Variants in NCAPH2 observed in about 807,000 individuals in gnomAD.
NCAPH2 encodes the protein non-SMC condensin II complex subunit H2.
NCAPH2 carries 56 observed loss-of-function variants against 88.6 expected under a neutral mutation model. The ratio of observed to expected loss-of-function variants is 0.63; its 90% CI spans 0.51 to 0.79. NCAPH2 has a LOEUF of 0.79. Ranked by LOEUF, NCAPH2 falls within the 30% of genes least tolerant of loss-of-function variation. The pLI is 0.00. For synonymous variants in NCAPH2, 378 were observed against 313.6 expected, an observed-to-expected ratio of 1.21 and a Z score of -2.17; for missense variants, 794 against 792.0, an observed-to-expected ratio of 1.00 and a Z score of -0.03.
rs769680493 is a variant in NCAPH2 at position 50,524,066 on chromosome 22, T to C, written c.*691T>C. 1.9e-6 allele frequency: 3 copies of C among 1,613,256 alleles called. No homozygotes were observed. Among genetic ancestry groups the C allele is most frequent in the Non-Finnish European group, 2.5e-6 (3 of 1,179,998 alleles). On this transcript the variant is annotated 3_prime_UTR_variant, in exon 20 of 20. Transcript: ENST00000420993. ...ACCCACTGGCCCCGGAAGTCAGCCT[T>C]GCAGCGAGCCCGGCCTCTGTGATCC...
At chr22:50,515,768 A>G (rs745359420) in intron 1 of NCAPH2, 4 of 1,296,968 alleles carry the variant, frequency 3.1e-6, no homozygotes, top group South Asian at 2.5e-5. Context: ...GTTGGGGAAG[A>G]TGTTGGGTAA....
At chr22:50,511,720 A>G (rs1001870996) in intron 1 of NCAPH2, among the ~76,000 whole-genome samples, 3 of 143,318 alleles carry the variant, frequency 2.1e-5, no homozygotes, top group African/African-American at 8.1e-5. Flanking sequence ...ATCTCGGCTC[A>G]CTGCAAGCTC....
chr22:50,511,247 C>G (rs968125018), intron 1 of NCAPH2, among the ~76,000 whole-genome samples: 7 of 150,686 alleles, frequency 4.6e-5, no homozygotes, highest in African/African-American at 1.2e-4. Context: ...GCTGCAGCCT[C>G]CACCTTCTGG....
At position 50,523,880 on chromosome 22, in the gene NCAPH2, C is replaced by T. The variant is rs1343365920; in HGVS notation, c.*505C>T. 1 of 1,613,804 alleles carries T rather than the reference C, an allele frequency of 6.2e-7. No homozygotes were observed. The highest frequency in any genetic ancestry group is 1.3e-5 in the African/African-American group (1 of 74,934). On this transcript the variant is annotated 3_prime_UTR_variant, in exon 20 of 20. Transcript: ENST00000420993. Reference sequence around the variant, plus strand: ...GGGTGGAAGTCCTGGACGTAGCGGGCCATGGCTTCAACGTCGTCCCGCTCG... The same window carrying T: ...GGGTGGAAGTCCTGGACGTAGCGGGTCATGGCTTCAACGTCGTCCCGCTCG...
In NCAPH2 at chr22:50,523,146, A is replaced by G. The variant is rs148303480; in HGVS notation, c.1657A>G (p.Met553Val). 2 of 1,613,652 alleles carry G rather than the reference A, an allele frequency of 1.2e-6. No homozygotes were observed. The highest frequency in any genetic ancestry group is 1.7e-6 in the Non-Finnish European group (2 of 1,179,918). The part of the protein sequence containing the change: ...GQPAFEVCRS[M>V]LASLQLANDY... ...GCCGGCCTTCGAGGTGTGTCGTTCC[A>G]TGCTGGCCTCCCTGCAGCTGGTGAG... is the stretch of plus-strand genomic sequence containing the variant. Residue 553 changes from methionine (M) to valine (V), a missense_variant, in exon 19 of 20, where the codon ATG becomes GTG. Physicochemically the swap from Met to Val is conservative, Grantham distance 21. Coordinates refer to ENST00000420993, the MANE Select transcript of NCAPH2 (RefSeq NM_152299.4).
rs183921414 is a variant in NCAPH2 at position 50,508,916 on chromosome 22, C to T, written c.108+471C>T. ...CCATGTTTGACAGCCCTGTCTAGACCTGTGTTAAGCTGTCTGCTCCATATT... is the reference window on the plus strand; with the variant it reads ...CCATGTTTGACAGCCCTGTCTAGACTTGTGTTAAGCTGTCTGCTCCATATT... On this transcript the variant is annotated intron_variant, in intron 1 of 19. Coordinates refer to ENST00000420993, the MANE Select transcript of NCAPH2 (RefSeq NM_152299.4). Among the ~76,000 whole-genome samples, 309 of 152,310 alleles carry T rather than the reference C, an allele frequency of 2.0e-3. 2 individuals are homozygous for T. Among genetic ancestry groups the T allele is most frequent in the Non-Finnish European group, 9.7e-4 (66 of 68,030 alleles).
rs1211752201 is a variant in NCAPH2 at position 50,523,965 on chromosome 22, C to T, written c.*590C>T. ...GCAAACCAGGCTCTGCTTCCAGCTG[C>T]CGCACCACCTGCACCAGCTTCTCCA... On this transcript the variant is annotated 3_prime_UTR_variant, in exon 20 of 20. Transcript: ENST00000420993. 2 of 1,612,442 alleles carry T rather than the reference C, an allele frequency of 1.2e-6. No individual in the cohort carries two copies. Among genetic ancestry groups the T allele is most frequent in the Non-Finnish European group, 8.5e-7 (1 of 1,178,944 alleles).
chr22:50,518,003 G>A lies in NCAPH2; in HGVS notation c.451G>A (p.Ala151Thr). 1.9e-6 allele frequency: 3 copies of A among 1,613,984 alleles called. No homozygotes were observed. The highest frequency in any genetic ancestry group is 1.3e-5 in the African/African-American group (1 of 75,038). Reference protein sequence around the residue: ...EVLIIPLLPMALVAPDEMEKN... With the variant: ...EVLIIPLLPMTLVAPDEMEKN... ...CCTCATCATCCCCCTCCTGCCCATG[G>A]CCCTGGTGGCCCCTGATGAAATGGA... is the stretch of plus-strand genomic sequence containing the variant. Residue 151 changes from alanine (A) to threonine (T), a missense_variant, in exon 6 of 20, where the codon GCC becomes ACC. Physicochemically the swap from Ala to Thr is moderately conservative, Grantham distance 58 (BLOSUM62 0). Transcript: ENST00000420993.
Position 50,523,424 on chromosome 22 carries a change from G to A in NCAPH2, c.*49G>A. The A allele has an allele frequency of 6.6e-7, 1 of 1,525,558 alleles. No individual in the cohort carries two copies. The highest frequency in any genetic ancestry group is 2.0e-5 in the Admixed American group (1 of 49,868). The allele number at this position is 1,525,558 out of a possible 1,614,324, so 94.5% of individuals were successfully genotyped here. ...GGGGGAATGTGTACTGAGGAGCCGT[G>A]TGTCTGCTCCTGGCTGGCCCGGCCT... On this transcript the variant is annotated 3_prime_UTR_variant, in exon 20 of 20. Coordinates refer to ENST00000420993, the MANE Select transcript of NCAPH2 (RefSeq NM_152299.4).
chr22:50,513,620 G>C (rs2068843737), intron 1 of NCAPH2, among the ~76,000 whole-genome samples: 1 of 152,254 alleles, frequency 6.6e-6, no homozygotes, highest in Non-Finnish European at 1.5e-5. Flanking sequence ...AAATTAGCCA[G>C]GTATGGTGGT....
In NCAPH2 at chr22:50,524,599, A is replaced by C; in HGVS notation, c.*1224A>C. 2.8e-6 allele frequency: 2 copies of C among 712,554 alleles called. No homozygotes were observed. Among genetic ancestry groups the C allele is most frequent in the East Asian group, 2.7e-5 (1 of 36,472 alleles). The allele number at this position is 712,554 out of a possible 1,614,324, so 44.1% of individuals were successfully genotyped here. On this transcript the variant is annotated 3_prime_UTR_variant, in exon 20 of 20. Coordinates refer to ENST00000420993, the MANE Select transcript of NCAPH2 (RefSeq NM_152299.4). Reference sequence around the variant, plus strand: ...AACTCCACCTCCACCAAACATCCACACCTGGGCAACCACACCTGTCACTCC... The same window carrying C: ...AACTCCACCTCCACCAAACATCCACCCCTGGGCAACCACACCTGTCACTCC...
Position 50,519,339 on chromosome 22 carries a change from C to T in NCAPH2, c.861+19C>T. On this transcript the variant is annotated intron_variant, in intron 9 of 19. Transcript: ENST00000420993. ...GCAGCAGGTGGGACCCACATGGAGG[C>T]CTGCAGAACCTGAGCTGTGAACTGG... The T allele has an allele frequency of 6.2e-7, 1 of 1,609,328 alleles. No individual in the cohort carries two copies. The highest frequency in any genetic ancestry group is 8.5e-7 in the Non-Finnish European group (1 of 1,178,482).
intron 4 of NCAPH2, 29 bp downstream of exon 4, chr22:50,517,690 C>T (rs770426757): frequency 1.9e-6 from 3 of 1,614,118 alleles, no homozygotes; most frequent in African/African-American, 1.3e-5. Context: ...TGGTCCCCGC[C>T]CACTGTGTGT....
chr22:50,519,398 AAGG>A lies in NCAPH2; in HGVS notation c.861+83_861+85del, dbSNP rs777485329. 30 of 1,581,922 alleles carry A rather than the reference AAGG, an allele frequency of 1.9e-5. 1 individual carries two copies. In the South Asian group the frequency reaches 3.0e-4, roughly 16 times the overall value. ...GCTCTGGGGCCGAGTCACCTTGCAC[AAGG>A]AGGACAGTGGTATGGCCTTGGCCCC... On this transcript the variant is annotated intron_variant, in intron 9 of 19. Transcript: ENST00000420993.
In NCAPH2 at chr22:50,522,165, A is replaced by G. The variant is rs760618849; in HGVS notation, c.1163-16A>G. On this transcript the variant is annotated splice_polypyrimidine_tract_variant and intron_variant, in intron 13 of 19. Transcript: ENST00000420993. ...TGGGAAGGACGAGGGAGCCCTCACA[A>G]GGCCTTTGTCTGCAGACATGGAGGT... 76 of 1,612,410 alleles carry G rather than the reference A, an allele frequency of 4.7e-5. 2 individuals carry two copies. In the South Asian group the frequency reaches 8.0e-4, roughly 17 times the overall value.
chr22:50,511,446 C>T (rs1429690541), intron 1 of NCAPH2, among the ~76,000 whole-genome samples: 4 of 144,214 alleles, frequency 2.8e-5, no homozygotes, highest in East Asian at 2.0e-4. Context: ...CCCGCCACCA[C>T]GCCCGGCTAA....
At chr22:50,520,915 C>G (rs987417239) in intron 9 of NCAPH2, 50 bp from the exon 10 acceptor site, 5 of 1,544,878 alleles carry the variant, frequency 3.2e-6, no homozygotes, top group Non-Finnish European at 4.4e-6. Context: ...GTACCCAGAG[C>G]CTTGAGGGGA....
Position 50,523,374 on chromosome 22 carries a change from G to A in NCAPH2, c.1817G>A (p.Ter606=), listed in dbSNP as rs2069176638. ...TYAAPSMAQP[*] ...GCTGCCCCCTCCATGGCCCAGCCCT[G>A]AGTGGGGAGCACCGAGGCAGGGGTG... The change falls in exon 20 of 20, where the codon TGA becomes TAA. Residue 606 remains the stop codon, a stop_retained_variant. Transcript: ENST00000420993. The A allele has an allele frequency of 1.9e-6, 3 of 1,544,386 alleles. No individual in the cohort carries two copies. Among genetic ancestry groups the A allele is most frequent in the Non-Finnish European group, 2.6e-6 (3 of 1,143,982 alleles).
chr22:50,517,294 A>C (rs912289279), intron 2 of NCAPH2, 133 bp from the exon 3 acceptor site: 5 of 910,402 alleles, frequency 5.5e-6, no homozygotes, highest in Admixed American at 4.1e-5. Context: ...TTTGGAACCA[A>C]AATTGGTGGT....
Sources: gnomAD v4.1 joint callset for allele counts (sites outside exome capture counted in the v4.1 genomes callset) on GRCh38, gnomAD v4.1.1 for gene constraint, MANE v1.5 for transcripts, NCBI Gene and HGNC (gene_info 2026-07-23, HGNC 2026-07-21) for gene names.